GABRB3: variants seen among roughly 807,000 people sequenced by gnomAD.
GABRB3 encodes gamma-aminobutyric acid type A receptor subunit beta3.
In GABRB3, 14 loss-of-function variants were observed where a neutral mutation model predicts 52.1. That is an observed-to-expected ratio of 0.27 (90% confidence interval 0.18 to 0.42). The LOEUF is 0.42. Ranked by LOEUF, GABRB3 falls within the 10% of genes least tolerant of loss-of-function variation. The pLI is 1.00. For missense variants in GABRB3, 307 were observed against 609.1 expected (o/e 0.50, Z 5.22); for synonymous variants, 260 against 232.3 (o/e 1.12, Z -1.08).
rs144454372 is a variant in GABRB3, at chr15:26,683,901, G to A, written c.241-62367C>T. Among the ~76,000 whole-genome samples the A allele has an allele frequency of 2.6e-4, 40 of 152,210 alleles. No homozygotes were observed. The South Asian group carries it at 7.5e-3, about 28-fold the overall frequency. On this transcript the variant is annotated intron_variant, in intron 3 of 8. Coordinates refer to ENST00000311550, the MANE Select transcript of GABRB3 (RefSeq NM_000814.6). ...AGGGAGGTGTGGAGATTGCTGTGACGTTTCCATAACTGACCTAGGAGGAGG... is the reference window on the plus strand; with the variant it reads ...AGGGAGGTGTGGAGATTGCTGTGACATTTCCATAACTGACCTAGGAGGAGG...
intron 3 of GABRB3, among the ~76,000 whole-genome samples, chr15:26,706,438 GTTT>G (rs11426648): frequency 4.0e-5 from 6 of 149,970 alleles, no homozygotes. Context: ...AAATTGAGGG[GTTT>G]TTTTTTTCTG....
chr15:26,703,594 A>C (rs28877626), intron 3 of GABRB3, among the ~76,000 whole-genome samples: 3,487 of 152,284 alleles, frequency 0.023, 133 homozygotes, highest in African/African-American at 0.08. Context: ...ACATTGCATG[A>C]GTGACATTCA....
intron 3 of GABRB3, among the ~76,000 whole-genome samples, chr15:26,654,520 C>T (rs946916346): frequency 5.9e-5 from 9 of 151,944 alleles, no homozygotes; most frequent in Non-Finnish European, 1.2e-4. Context: ...TTTGGGAGGC[C>T]GAGGCAGGAG....
intron 3 of GABRB3, among the ~76,000 whole-genome samples, chr15:26,740,738 T>C (rs1260331455): frequency 1.3e-5 from 2 of 152,168 alleles, no homozygotes; most frequent in Admixed American, 6.5e-5. Context: ...AGGAGCCACA[T>C]CTAACGTGAT....
At chr15:26,581,858 G>A (rs1890802552) in intron 5 of GABRB3, among the ~76,000 whole-genome samples, 1 of 152,142 alleles carries the variant, frequency 6.6e-6, no homozygotes, top group South Asian at 2.1e-4. Flanking sequence ...TTGGTCTAAT[G>A]GCTTCCTGTC....
chr15:26,634,096 T>G (rs1258865432), intron 3 of GABRB3, among the ~76,000 whole-genome samples: 1 of 152,110 alleles, frequency 6.6e-6, no homozygotes, highest in African/African-American at 2.4e-5. Flanking sequence ...GGTTGCTTCT[T>G]CTCCCAAACT....
At chr15:26,700,303 C>T (rs534636687) in intron 3 of GABRB3, among the ~76,000 whole-genome samples, 15 of 152,232 alleles carry the variant, frequency 9.9e-5, no homozygotes, top group Non-Finnish European at 1.6e-4. Context: ...CAATAGATAA[C>T]ATGAATAAAC....
chr15:26,609,594 T>C (rs754268149), intron 4 of GABRB3, among the ~76,000 whole-genome samples: 2 of 152,178 alleles, frequency 1.3e-5, no homozygotes, highest in Non-Finnish European at 1.5e-5. Context: ...TATTCATGTC[T>C]ACATTGTGTG....
intron 3 of GABRB3, among the ~76,000 whole-genome samples, chr15:26,678,153 C>T (rs904360516): frequency 1.1e-4 from 17 of 152,284 alleles, no homozygotes; most frequent in African/African-American, 4.1e-4. Context: ...GCTCTTGAGA[C>T]ATCTTCATAA....
At chr15:26,718,349 A>AG (rs1485317795) in intron 3 of GABRB3, among the ~76,000 whole-genome samples, 1 of 152,104 alleles carries the variant, frequency 6.6e-6, no homozygotes, top group African/African-American at 2.4e-5. Flanking sequence ...AGTTGGGATT[A>AG]TAGGCATGCG....
chr15:26,583,454 T>TGAGAAATGTATCAGG (rs1890860403), intron 4 of GABRB3, 40 bp from the exon 5 acceptor site: 1 of 1,531,524 alleles, frequency 6.5e-7, no homozygotes, highest in East Asian at 2.2e-5. Context: ...AAAGAAGGGC[T>TGAGAAATGTATCAGG]GAGAAATGTA....
At chr15:26,566,110 T>C (rs1483815008) in intron 7 of GABRB3, among the ~76,000 whole-genome samples, 1 of 152,176 alleles carries the variant, frequency 6.6e-6, no homozygotes, top group Non-Finnish European at 1.5e-5. Flanking sequence ...CTGCAGGCTG[T>C]AGAAAAGTCC....
chr15:26,705,370 T>C (rs7164499), intron 3 of GABRB3, among the ~76,000 whole-genome samples: 84,355 of 152,020 alleles, frequency 0.55, 24,677 homozygotes, highest in East Asian at 0.8. Context: ...CACCTGAATT[T>C]TGAAAAGGAA....
intron 3 of GABRB3, among the ~76,000 whole-genome samples, chr15:26,694,141 CCCATAGAGT>C (rs1403133648): frequency 1.3e-5 from 2 of 152,074 alleles, no homozygotes; most frequent in Non-Finnish European, 2.9e-5. Context: ...TTAAAATCCA[CCCATAGAGT>C]CTTCTTCCCT....
At chr15:26,701,588 C>A (rs913126286) in intron 3 of GABRB3, among the ~76,000 whole-genome samples, 1 of 152,076 alleles carries the variant, frequency 6.6e-6, no homozygotes, top group Non-Finnish European at 1.5e-5. Flanking sequence ...TTTTAGCAGA[C>A]CTAAATAAAT....
intron 6 of GABRB3, among the ~76,000 whole-genome samples, chr15:26,576,870 G>A (rs886159798): frequency 6.6e-6 from 1 of 152,096 alleles, no homozygotes; most frequent in African/African-American, 2.4e-5. Context: ...GGACTTATGC[G>A]TGTTCAAAGA....
In GABRB3 at chr15:26,609,376, A is replaced by G. The variant is rs180945488; in HGVS notation, c.461+11938T>C. ...TTATCAAATGGTAATCTGTAAGCAT[A>G]TCTTCGAACGTAGATTCATTATGTG... On this transcript the variant is annotated intron_variant, in intron 4 of 8. Coordinates refer to ENST00000311550, the MANE Select transcript of GABRB3 (RefSeq NM_000814.6). Among the ~76,000 whole-genome samples, 7 of 152,294 alleles carry G rather than the reference A, an allele frequency of 4.6e-5. No individual in the cohort carries two copies. In the East Asian group the frequency reaches 1.4e-3, roughly 29 times the overall value.
intron 4 of GABRB3, chr15:26,615,950 AAGCAGGAAC>A: frequency 7.8e-7 from 1 of 1,289,008 alleles, no homozygotes; most frequent in Non-Finnish European, 1.0e-6. Flanking sequence ...AGTACTTTAC[AAGCAGGAAC>A]AGCAGGAACA....
intron 3 of GABRB3, among the ~76,000 whole-genome samples, chr15:26,750,847 CA>C (rs1311599128): frequency 6.6e-6 from 1 of 152,130 alleles, no homozygotes; most frequent in African/African-American, 2.4e-5. Context: ...AGAAAAAGTA[CA>C]TTTTTTTGCT....
Sources: allele counts gnomAD v4.1 joint callset (sites outside exome capture counted in the v4.1 genomes callset), GRCh38; gene constraint gnomAD v4.1.1; transcripts MANE v1.5; gene names NCBI Gene and HGNC (gene_info 2026-07-23, HGNC 2026-07-21).